KIAA1755: variants seen among roughly 807,000 people sequenced by gnomAD.
The protein encoded by KIAA1755 is KIAA1755.
KIAA1755 carries 68 observed loss-of-function variants against 91.7 expected under a neutral mutation model. The observed-to-expected ratio is 0.74, with a 90% CI of 0.61 to 0.91. KIAA1755 has a LOEUF of 0.91. Among genes scored for constraint, KIAA1755 ranks in the 40% least tolerant of loss-of-function variants. The pLI is 0.00. For missense variants in KIAA1755, 1,535 were observed against 1,494.4 expected (o/e 1.03, Z -0.45); for synonymous variants, 610 against 604.6 (o/e 1.01, Z -0.13).
chr20:38,260,641 C>A lies in KIAA1755; in HGVS notation c.-141G>T. The A allele has an allele frequency of 9.7e-7, 1 of 1,026,074 alleles. No individual in the cohort carries two copies. Among genetic ancestry groups the A allele is most frequent in the Non-Finnish European group, 1.3e-6 (1 of 770,736 alleles). 63.6% of individuals were successfully genotyped at this position (1,026,074 alleles called of 1,614,324 possible). A position where few individuals can be genotyped will look rare whatever the true frequency, so the allele number is the denominator to read the frequency against. On this transcript the variant is annotated 5_prime_UTR_variant, in exon 1 of 14. Coordinates refer to ENST00000279024, the MANE Select transcript of KIAA1755 (RefSeq NM_001029864.2). ...GGATAGGGCAGGCCCGGGGCACCGA[C>A]CCCGGCGTCATCTCGGAGGAGCGGC...
intron 13 of KIAA1755, among the ~76,000 whole-genome samples, chr20:38,213,982 C>T (rs1270142568): frequency 1.3e-5 from 2 of 148,658 alleles, no homozygotes; most frequent in South Asian, 2.1e-4. Flanking sequence ...GATGGAGTCT[C>T]GCTCCATCAC....
intron 11 of KIAA1755, among the ~76,000 whole-genome samples, chr20:38,218,752 C>T (rs778849281): frequency 2.4e-4 from 37 of 152,108 alleles, no homozygotes; most frequent in African/African-American, 4.3e-4. Context: ...TTTGTGTGCG[C>T]GTGCACATGC....
Position 38,212,764 on chromosome 20 carries a change from A to C in KIAA1755, c.*278T>G. On this transcript the variant is annotated 3_prime_UTR_variant, in exon 14 of 14. Transcript: ENST00000279024. Reference sequence around the variant, plus strand: ...GGTCTGTGCCGACAGGTCTTTCCACAATGAGAGCCTGGAGGGATGGAGCCA... The same window carrying C: ...GGTCTGTGCCGACAGGTCTTTCCACCATGAGAGCCTGGAGGGATGGAGCCA... 2.8e-6 allele frequency: 1 copy of C among 352,566 alleles called. No homozygotes were observed. The highest frequency in any genetic ancestry group is 5.2e-6 in the Non-Finnish European group (1 of 193,984). The allele number at this position is 352,566 out of a possible 1,614,324, so 21.8% of individuals were successfully genotyped here.
Position 38,223,528 on chromosome 20 carries a change from C to T in KIAA1755, c.2268+10G>A, listed in dbSNP as rs1035498810. 12 of 1,567,372 alleles carry T rather than the reference C, an allele frequency of 7.7e-6. No individual in the cohort carries two copies. Among genetic ancestry groups the T allele is most frequent in the Admixed American group, 4.0e-5 (2 of 49,492 alleles). On this transcript the variant is annotated intron_variant, in intron 9 of 13. Coordinates refer to ENST00000279024, the MANE Select transcript of KIAA1755 (RefSeq NM_001029864.2). ...ATGTAGCTTCCCCAGTCACCATGCT[C>T]CAGGCTCACCTGCATCCCCCCAGGG... is the stretch of plus-strand genomic sequence containing the variant.
intron 6 of KIAA1755, among the ~76,000 whole-genome samples, chr20:38,227,712 A>G (rs912224070): frequency 6.6e-6 from 1 of 152,228 alleles, no homozygotes; most frequent in Non-Finnish European, 1.5e-5. Flanking sequence ...CTGAGACACA[A>G]AGAAATTTTT....
rs577709648 is a variant in KIAA1755, at chr20:38,237,868, G to A, written c.1747+1660C>T. On this transcript the variant is annotated intron_variant, in intron 4 of 13. Coordinates refer to ENST00000279024, the MANE Select transcript of KIAA1755 (RefSeq NM_001029864.2). ...GTGGGGAATGAGGACAAGATCACTA[G>A]AGAAGAGCAGGACAAAAAACGGACA... 3.3e-5 allele frequency among the ~76,000 whole-genome samples: 5 copies of A among 152,264 alleles called. No individual in the cohort carries two copies. In the South Asian group the frequency reaches 1.0e-3, roughly 32 times the overall value.
At chr20:38,252,208 A>AAAGTC (rs1156458991) in intron 1 of KIAA1755, among the ~76,000 whole-genome samples, 3 of 152,158 alleles carry the variant, frequency 2.0e-5, no homozygotes, top group Non-Finnish European at 2.9e-5. Flanking sequence ...GGTCTTGGGG[A>AAAGTC]AAGTCAAAGG....
At chr20:38,260,133 G>A (rs1263423894) in intron 1 of KIAA1755, 4 of 1,191,764 alleles carry the variant, frequency 3.4e-6, no homozygotes, top group Non-Finnish European at 4.3e-6. Context: ...ACTCCCTGCC[G>A]GGACAATGTG....
At chr20:38,247,746 G>A (rs889214331) in intron 1 of KIAA1755, among the ~76,000 whole-genome samples, 1 of 152,220 alleles carries the variant, frequency 6.6e-6, no homozygotes, top group Admixed American at 6.5e-5. Context: ...AATGGGCCCA[G>A]TGTAATCACC....
At chr20:38,255,167 A>C (rs1049897374) in intron 1 of KIAA1755, among the ~76,000 whole-genome samples, 6 of 151,304 alleles carry the variant, frequency 4.0e-5, no homozygotes, top group African/African-American at 1.5e-4. Flanking sequence ...ACAGAGTGAG[A>C]TCTGTCTCAA....
chr20:38,253,231 A>C (rs1029375915), intron 1 of KIAA1755, among the ~76,000 whole-genome samples: 3 of 152,282 alleles, frequency 2.0e-5, no homozygotes, highest in Middle Eastern at 3.4e-3. Flanking sequence ...CTCCTATACC[A>C]TGCTCACGAC....
At chr20:38,242,048 C>G in intron 2 of KIAA1755, 119 bp from the exon 3 acceptor site, 1 of 982,760 alleles carries the variant, frequency 1.0e-6, no homozygotes, top group East Asian at 2.5e-5. Flanking sequence ...GATGAGGCAG[C>G]ATTTAGGAGG....
chr20:38,218,082 G>A, intron 12 of KIAA1755, 162 bp downstream of exon 12: 2 of 814,966 alleles, frequency 2.5e-6, no homozygotes, highest in East Asian at 2.5e-5. Context: ...CTCTGGGGGA[G>A]ATAACATCTC....
intron 11 of KIAA1755, among the ~76,000 whole-genome samples, chr20:38,219,359 T>C (rs536112886): frequency 6.6e-6 from 1 of 152,276 alleles, no homozygotes; most frequent in South Asian, 2.1e-4. Context: ...AAAGCAATGA[T>C]GTTCACAACG....
At chr20:38,247,062 A>C (rs1486239935) in intron 1 of KIAA1755, among the ~76,000 whole-genome samples, 1 of 152,152 alleles carries the variant, frequency 6.6e-6, no homozygotes, top group African/African-American at 2.4e-5. Flanking sequence ...AGAGTCCAGA[A>C]GAGGGAAAAC....
At chr20:38,257,018 G>A (rs1200258282) in intron 1 of KIAA1755, among the ~76,000 whole-genome samples, 2 of 152,032 alleles carry the variant, frequency 1.3e-5, no homozygotes, top group Non-Finnish European at 2.9e-5. Flanking sequence ...CCACTCCCTG[G>A]ACTGAGCAAC....
chr20:38,228,778 GT>G (rs2075806463), intron 5 of KIAA1755, among the ~76,000 whole-genome samples: 1 of 152,152 alleles, frequency 6.6e-6, no homozygotes, highest in Admixed American at 6.5e-5. Context: ...CCTTTAAAAA[GT>G]TCTTAACAAA....
At chr20:38,248,889 T>C (rs1199762650) in intron 1 of KIAA1755, among the ~76,000 whole-genome samples, 2 of 148,044 alleles carry the variant, frequency 1.4e-5, no homozygotes, top group East Asian at 3.9e-4. Context: ...TTTGTTTGTT[T>C]TTAAAGACAA....
rs368100780 is a variant in KIAA1755, at chr20:38,218,334, C to T, written c.2589G>A (p.Arg863=). Residue 863 remains arginine, a synonymous_variant, in exon 12 of 14, where the codon CGG becomes CGA. Coordinates refer to ENST00000279024, the MANE Select transcript of KIAA1755 (RefSeq NM_001029864.2). ...VSDWMEQEGR[R]CLQSLTPKDG... Reference sequence around the variant, plus strand: ...CCTTGGGGGTCAGTGATTGCAGGCACCGCCTTCCTTCCTGCTCCATCCAGT... The same window carrying T: ...CCTTGGGGGTCAGTGATTGCAGGCATCGCCTTCCTTCCTGCTCCATCCAGT... The T allele has an allele frequency of 4.6e-5, 75 of 1,614,104 alleles. No homozygotes were observed. Among genetic ancestry groups the T allele is most frequent in the Admixed American group, 6.7e-5 (4 of 60,008 alleles).
Sources: gnomAD v4.1 joint callset for allele counts (sites outside exome capture counted in the v4.1 genomes callset) on GRCh38, gnomAD v4.1.1 for gene constraint, MANE v1.5 for transcripts, NCBI Gene and HGNC (gene_info 2026-07-23, HGNC 2026-07-21) for gene names.